TMEM132E: variants seen among roughly 807,000 people sequenced by gnomAD.
The protein encoded by TMEM132E is transmembrane protein 132E.
TMEM132E carries 49 observed loss-of-function variants against 78.5 expected under a neutral mutation model. The ratio of observed to expected loss-of-function variants is 0.62; its 90% CI spans 0.50 to 0.79. TMEM132E has a LOEUF of 0.79. Ranked by LOEUF, TMEM132E falls within the 30% of genes least tolerant of loss-of-function variation. The pLI is 0.00. For missense variants in TMEM132E, 1,403 were observed against 1,470.9 expected, an observed-to-expected ratio of 0.95 and a Z score of 0.75; for synonymous variants, 715 against 670.6, an observed-to-expected ratio of 1.07 and a Z score of -1.02.
At chr17:34,607,047 A>G (rs12601024) in intron 1 of TMEM132E, among the ~76,000 whole-genome samples, 86,951 of 152,098 alleles carry the variant, frequency 0.57, 26,249 homozygotes, top group Admixed American at 0.71. Context: ...ATGGGAATCA[A>G]TCAGCTTCAG....
chr17:34,585,567 C>G (rs1050503644), intron 1 of TMEM132E, among the ~76,000 whole-genome samples: 2 of 152,158 alleles, frequency 1.3e-5, no homozygotes, highest in African/African-American at 2.4e-5. Context: ...AGGGACTGGC[C>G]AAGCTCACTC....
intron 1 of TMEM132E, among the ~76,000 whole-genome samples, chr17:34,617,077 C>G (rs1370539159): frequency 1.3e-5 from 2 of 152,210 alleles, no homozygotes; most frequent in Middle Eastern, 3.2e-3. Flanking sequence ...CCACCGGGCC[C>G]AAGTCATCAC....
Position 34,638,304 on chromosome 17 carries a change from C to G in TMEM132E, c.*72C>G. ...CTCGGGGTAGGACACAGCCGGGACC[C>G]CGGTTCACACTGACTCTGGGCGGCT... is the stretch of plus-strand genomic sequence containing the variant. On this transcript the variant is annotated 3_prime_UTR_variant, in exon 9 of 9. Transcript: ENST00000631683. 7.2e-7 allele frequency: 1 copy of G among 1,388,540 alleles called. No homozygotes were observed. The highest frequency in any genetic ancestry group is 1.5e-5 in the African/African-American group (1 of 68,388). 86.0% of individuals were successfully genotyped at this position (1,388,540 alleles called of 1,614,324 possible).
chr17:34,597,684 A>G (rs1195792606), intron 1 of TMEM132E, among the ~76,000 whole-genome samples: 1 of 152,154 alleles, frequency 6.6e-6, no homozygotes, highest in African/African-American at 2.4e-5. Context: ...TCATGACCAC[A>G]GCCTTTTTTC....
In TMEM132E at chr17:34,580,975, G is replaced by A; in HGVS notation, c.-102G>A. The A allele has an allele frequency of 1.1e-6, 1 of 918,776 alleles. No individual in the cohort carries two copies. Among genetic ancestry groups the A allele is most frequent in the Non-Finnish European group, 1.6e-6 (1 of 637,366 alleles). 56.9% of individuals were successfully genotyped at this position (918,776 alleles called of 1,614,324 possible). On this transcript the variant is annotated 5_prime_UTR_variant, in exon 1 of 9. Transcript: ENST00000631683. ...TCCCGGAGCTGCATCTGAGACAGCC[G>A]GGCGCCACGGCAGCCCTGAGTTGGA...
chr17:34,637,374 C>G lies in TMEM132E; in HGVS notation c.2367C>G (p.Ile789Met). The change falls in exon 9 of 9, where the codon ATC becomes ATG. Residue 789 changes from isoleucine (I) to methionine (M), a missense_variant. Around this residue, in one of 3 missense-constraint regions of TMEM132E, gnomAD observed 888 missense variants for 952.8 expected, o/e 0.93. Coordinates refer to ENST00000631683, the MANE Select transcript of TMEM132E (RefSeq NM_001304438.2). ...AGCTGCTTCGCGCAGAGCTAACCATCGCTGAGAGCTGCCAGAAAACCAAAC... is the reference window on the plus strand; with the variant it reads ...AGCTGCTTCGCGCAGAGCTAACCATGGCTGAGAGCTGCCAGAAAACCAAAC... ...SGELLRAELTIAESCQKTKRK... is the reference protein window; with the variant it reads ...SGELLRAELTMAESCQKTKRK... 1.2e-6 allele frequency: 2 copies of G among 1,613,954 alleles called. No individual in the cohort carries two copies. The highest frequency in any genetic ancestry group is 1.7e-6 in the Non-Finnish European group (2 of 1,180,044).
rs1298437033 is a variant in TMEM132E, at chr17:34,626,730, C to A, written c.671C>A (p.Thr224Lys). ...CCGGACGGGCTGGAGCCCGAGGCGACGGGGGAGAGCCAGCAGGCCGAGCTC... is the reference window on the plus strand; with the variant it reads ...CCGGACGGGCTGGAGCCCGAGGCGAAGGGGGAGAGCCAGCAGGCCGAGCTC... ...KSPDGLEPEA[T>K]GESQQAELYY... The change falls in exon 2 of 9, where the codon ACG becomes AAG. Residue 224 changes from threonine to lysine, a missense_variant. Thr to Lys is a moderately conservative substitution (Grantham distance 78). Coordinates refer to ENST00000631683, the MANE Select transcript of TMEM132E (RefSeq NM_001304438.2). The A allele has an allele frequency of 1.5e-6, 2 of 1,370,176 alleles. No individual in the cohort carries two copies. The highest frequency in any genetic ancestry group is 1.9e-6 in the Non-Finnish European group (2 of 1,042,456). 84.9% of individuals were successfully genotyped at this position (1,370,176 alleles called of 1,614,324 possible). A position where few individuals can be genotyped will look rare whatever the true frequency, so the allele number is the denominator to read the frequency against.
chr17:34,598,679 A>C (rs1021152035), intron 1 of TMEM132E, among the ~76,000 whole-genome samples: 6 of 152,210 alleles, frequency 3.9e-5, no homozygotes, highest in African/African-American at 1.4e-4. Context: ...ACACAGACAC[A>C]GTCCTCTGCT....
chr17:34,625,396 G>A (rs1907084037), intron 1 of TMEM132E, among the ~76,000 whole-genome samples: 1 of 152,206 alleles, frequency 6.6e-6, no homozygotes, highest in South Asian at 2.1e-4. Context: ...TACACCAGCT[G>A]AGAGAGCAGG....
rs543411166 is a variant in TMEM132E, at chr17:34,639,196, C to G, written c.*964C>G. 3 of 152,706 alleles carry G rather than the reference C, an allele frequency of 2.0e-5. No homozygotes were observed. The highest frequency in any genetic ancestry group is 2.0e-4 in the Admixed American group (3 of 15,296). 9.5% of individuals were successfully genotyped at this position (152,706 alleles called of 1,614,324 possible). A position where few individuals can be genotyped will look rare whatever the true frequency, so the allele number is the denominator to read the frequency against. The stretch of plus-strand genomic sequence containing the variant: ...AAATGCAGAAGGGAGCCAGTGTCGC[C>G]CCTACCCCATCCCACAGCCATTTTT... On this transcript the variant is annotated 3_prime_UTR_variant, in exon 9 of 9. Transcript: ENST00000631683.
At position 34,632,793 on chromosome 17, in the gene TMEM132E, C is replaced by T. The variant is rs149974755; in HGVS notation, c.1572C>T (p.Leu524=). 508 of 1,614,206 alleles carry T rather than the reference C, an allele frequency of 3.1e-4. 2 individuals are homozygous for T. Among genetic ancestry groups the T allele is most frequent in the African/African-American group, 3.1e-3 (231 of 75,032 alleles). ...NARVTFRYDV[L]NAPLEMTVWV... ...GGGTCACCTTCCGCTACGACGTCCT[C>T]AATGCTCCCCTGGAAATGACAGTCT... The change falls in exon 6 of 9, where the codon CTC becomes CTT. Residue 524 remains leucine, a synonymous_variant. Transcript: ENST00000631683.
intron 1 of TMEM132E, among the ~76,000 whole-genome samples, chr17:34,621,606 G>A (rs1215469287): frequency 2.6e-5 from 4 of 152,210 alleles, no homozygotes; most frequent in Admixed American, 6.5e-5. Flanking sequence ...CAGCAAGGGA[G>A]AGGGTCCCAG....
intron 1 of TMEM132E, among the ~76,000 whole-genome samples, chr17:34,591,108 C>A (rs767133227): frequency 1.3e-5 from 2 of 152,090 alleles, no homozygotes; most frequent in Non-Finnish European, 2.9e-5. Context: ...GGTGAGGAGC[C>A]CACAGCACGA....
At chr17:34,592,109 T>C (rs1240283281) in intron 1 of TMEM132E, among the ~76,000 whole-genome samples, 2 of 152,190 alleles carry the variant, frequency 1.3e-5, no homozygotes, top group Non-Finnish European at 2.9e-5. Context: ...GGGTTTTTTG[T>C]TTTGCTTGGG....
At chr17:34,590,123 C>T (rs927185850) in intron 1 of TMEM132E, among the ~76,000 whole-genome samples, 2 of 152,140 alleles carry the variant, frequency 1.3e-5, no homozygotes, top group African/African-American at 2.4e-5. Flanking sequence ...CTGGGAAGTT[C>T]GCCCCCACCT....
chr17:34,636,316 C>A (rs1042668861), intron 8 of TMEM132E, 118 bp downstream of exon 8: 2 of 1,036,056 alleles, frequency 1.9e-6, no homozygotes, highest in South Asian at 2.7e-5. Context: ...AATGGAGGAT[C>A]TCTGCCCTCC....
chr17:34,626,742 A>G lies in TMEM132E; in HGVS notation c.683A>G (p.Gln228Arg). The G allele has an allele frequency of 7.3e-7, 1 of 1,377,056 alleles. No individual in the cohort carries two copies. Among genetic ancestry groups the G allele is most frequent in the Non-Finnish European group, 9.6e-7 (1 of 1,044,608 alleles). The allele number at this position is 1,377,056 out of a possible 1,614,324, so 85.3% of individuals were successfully genotyped here. The change falls in exon 2 of 9, where the codon CAG becomes CGG. Residue 228 changes from glutamine to arginine, a missense_variant. This residue lies in a region of TMEM132E where 511 missense variants were observed against 499.0 expected (regional missense o/e 1.02). Coordinates refer to ENST00000631683, the MANE Select transcript of TMEM132E (RefSeq NM_001304438.2). ...GLEPEATGES[Q>R]QAELYYTLHA... ...GAGCCCGAGGCGACGGGGGAGAGCCAGCAGGCCGAGCTCTACTACACGCTC... is the reference window on the plus strand; with the variant it reads ...GAGCCCGAGGCGACGGGGGAGAGCCGGCAGGCCGAGCTCTACTACACGCTC...
Position 34,581,291 on chromosome 17 carries a change from C to T in TMEM132E, c.67+148C>T, listed in dbSNP as rs537947141. 4.5e-5 allele frequency: 34 copies of T among 754,224 alleles called. No homozygotes were observed. In the South Asian group the frequency reaches 7.3e-4, roughly 16 times the overall value. The allele number at this position is 754,224 out of a possible 1,614,324, so 46.7% of individuals were successfully genotyped here. ...CGTCTCTGGCTGCAGCTCGAGTTAC[C>T]GCCAGCCCCCGAGCCCTCCGGCGAG... is the stretch of plus-strand genomic sequence containing the variant. On this transcript the variant is annotated intron_variant, in intron 1 of 8. Coordinates refer to ENST00000631683, the MANE Select transcript of TMEM132E (RefSeq NM_001304438.2).
At chr17:34,613,209 A>ACG (rs1383529235) in intron 1 of TMEM132E, among the ~76,000 whole-genome samples, 89 of 63,622 alleles carry the variant, frequency 1.4e-3, no homozygotes, top group Middle Eastern at 0.011. Flanking sequence ...ACACACACAC[A>ACG]CACGCGCGCG....
Sources: allele counts gnomAD v4.1 joint callset (sites outside exome capture counted in the v4.1 genomes callset), GRCh38; gene constraint gnomAD v4.1.1; regional missense constraint gnomAD v4.1.1; transcripts MANE v1.5; gene names NCBI Gene and HGNC (gene_info 2026-07-23, HGNC 2026-07-21).